CDK6: variants seen among roughly 807,000 people sequenced by gnomAD.
CDK6 encodes the protein cyclin-dependent kinase 6.
Under a neutral mutation model 37.1 loss-of-function variants are expected in CDK6, and 6 were observed. The observed-to-expected ratio is 0.16, with a 90% CI of 0.09 to 0.32. The LOEUF is 0.32. Among genes scored for constraint, CDK6 ranks in the 10% least tolerant of loss-of-function variants. CDK6 has a pLI of 1.00. For synonymous variants in CDK6, 160 were observed against 161.3 expected (o/e 0.99, Z 0.06); for missense variants, 224 against 418.9 (o/e 0.53, Z 4.06).
In CDK6 at chr7:92,834,856, C is replaced by T. The variant is rs1470813996; in HGVS notation, c.-367-1166G>A. Among the ~76,000 whole-genome samples, 1 of 152,114 alleles carries T rather than the reference C, an allele frequency of 6.6e-6. No individual in the cohort carries two copies. Among genetic ancestry groups the T allele is most frequent in the Non-Finnish European group, 1.5e-5 (1 of 68,006 alleles). Reference sequence around the variant, plus strand: ...CGGTCCAGTCTGCAGCCGGACGCCCCCGGAGCCCTCTGCACAACAAAGCGC... The same window carrying T: ...CGGTCCAGTCTGCAGCCGGACGCCCTCGGAGCCCTCTGCACAACAAAGCGC... On this transcript the variant is annotated intron_variant, in intron 1 of 7. Coordinates refer to ENST00000424848, the MANE Select transcript of CDK6 (RefSeq NM_001145306.2). This position sits in a 1 kb window ranked among gnomAD's most constrained non-coding sequence, Gnocchi z 4.6.
At chr7:92,725,582 T>C (rs1193369711) in intron 4 of CDK6, 44 bp downstream of exon 4, 3 of 1,565,342 alleles carry the variant, frequency 1.9e-6, no homozygotes, top group Admixed American at 1.8e-5. Context: ...TCATTCAAAA[T>C]AGGAAAAATA....
chr7:92,753,664 A>G (rs1799243023), intron 3 of CDK6, among the ~76,000 whole-genome samples: 1 of 152,012 alleles, frequency 6.6e-6, no homozygotes, highest in Admixed American at 6.6e-5. Flanking sequence ...AGCTAGTAAG[A>G]AGACTACCTT....
chr7:92,633,085 T>G (rs1445692859), intron 5 of CDK6, among the ~76,000 whole-genome samples: 1 of 152,068 alleles, frequency 6.6e-6, no homozygotes, highest in African/African-American at 2.4e-5. Context: ...ACTCAAATCT[T>G]GGTGAAGAAA....
chr7:92,626,558 A>T (rs1414639586), intron 5 of CDK6, among the ~76,000 whole-genome samples: 1 of 152,144 alleles, frequency 6.6e-6, no homozygotes, highest in Admixed American at 6.6e-5. Context: ...ATATAGAAAA[A>T]GTGTTTTAGA....
rs1334087040 is a variant in CDK6 at position 92,614,600 on chromosome 7, T to G, written c.*540A>C. 4.3e-6 allele frequency: 1 copy of G among 233,766 alleles called. No individual in the cohort carries two copies. The highest frequency in any genetic ancestry group is 5.6e-5 in the Admixed American group (1 of 17,804). 14.5% of individuals were successfully genotyped at this position (233,766 alleles called of 1,614,324 possible). A position where few individuals can be genotyped will look rare whatever the true frequency, so the allele number is the denominator to read the frequency against. ...TGGTGAATCACCTTCAGTGAACAAATGCCTGTTATTTACTGACCACCTTGA... is the reference window on the plus strand; with the variant it reads ...TGGTGAATCACCTTCAGTGAACAAAGGCCTGTTATTTACTGACCACCTTGA... On this transcript the variant is annotated 3_prime_UTR_variant, in exon 8 of 8. Coordinates refer to ENST00000424848, the MANE Select transcript of CDK6 (RefSeq NM_001145306.2).
At chr7:92,671,829 G>GT (rs943121015) in intron 4 of CDK6, among the ~76,000 whole-genome samples, 2 of 150,752 alleles carry the variant, frequency 1.3e-5, no homozygotes, top group East Asian at 1.9e-4. Context: ...CTTAGAAACC[G>GT]TTTTTTTTCT....
intron 3 of CDK6, among the ~76,000 whole-genome samples, chr7:92,772,128 T>C (rs1334927047): frequency 6.6e-6 from 1 of 152,164 alleles, no homozygotes; most frequent in East Asian, 1.9e-4. Context: ...CCTTAAAGCA[T>C]CACAAACACT....
chr7:92,644,406 G>T (rs565716981), intron 5 of CDK6, among the ~76,000 whole-genome samples: 1 of 152,176 alleles, frequency 6.6e-6, no homozygotes, highest in Admixed American at 6.5e-5. Context: ...CATGTTCAAA[G>T]ACTGAAATAA....
Position 92,836,460 on chromosome 7 carries a change from G to T in CDK6, c.-368+18C>A, listed in dbSNP as rs936277342. On this transcript the variant is annotated intron_variant, in intron 1 of 7. Transcript: ENST00000424848. ...CCCCCACCCCGCAGCCCACCCACCC[G>T]AGCGCACAGCTCCTCACCTGAGGGG... 7.1e-5 allele frequency: 10 copies of T among 140,014 alleles called. No homozygotes were observed. Among genetic ancestry groups the T allele is most frequent in the Admixed American group, 5.7e-4 (8 of 14,116 alleles). The allele number at this position is 140,014 out of a possible 1,614,324, so 8.7% of individuals were successfully genotyped here.
At chr7:92,615,977 C>A (rs1215931731) in intron 7 of CDK6, among the ~76,000 whole-genome samples, 4 of 152,172 alleles carry the variant, frequency 2.6e-5, no homozygotes, top group Non-Finnish European at 4.4e-5. Flanking sequence ...CTCATTTCCA[C>A]CCCTACCTCA....
At chr7:92,750,245 T>C (rs755656043) in intron 3 of CDK6, among the ~76,000 whole-genome samples, 15 of 152,210 alleles carry the variant, frequency 9.9e-5, no homozygotes, top group Non-Finnish European at 2.1e-4. Flanking sequence ...ACTAACTGCA[T>C]GACTTTGGGC....
At chr7:92,641,835 C>T (rs972196249) in intron 5 of CDK6, among the ~76,000 whole-genome samples, 1 of 152,150 alleles carries the variant, frequency 6.6e-6, no homozygotes, top group Non-Finnish European at 1.5e-5. Context: ...TAAGTCATTG[C>T]TCTTTACTTG....
intron 5 of CDK6, among the ~76,000 whole-genome samples, chr7:92,636,293 C>T (rs1021723911): frequency 6.6e-6 from 1 of 152,118 alleles, no homozygotes; most frequent in Non-Finnish European, 1.5e-5. Context: ...CTCCTGAGCT[C>T]AAGCGATCTG....
At chr7:92,722,556 C>G (rs1798392914) in intron 4 of CDK6, among the ~76,000 whole-genome samples, 1 of 152,170 alleles carries the variant, frequency 6.6e-6, no homozygotes, top group Non-Finnish European at 1.5e-5. Flanking sequence ...GCCAATAAAT[C>G]AATCAGGACT....
chr7:92,738,452 C>A (rs951654134), intron 3 of CDK6, among the ~76,000 whole-genome samples: 1 of 152,018 alleles, frequency 6.6e-6, no homozygotes, highest in African/African-American at 2.4e-5. Context: ...CTAGCCTGAC[C>A]AACATGGTAA....
intron 5 of CDK6, among the ~76,000 whole-genome samples, chr7:92,643,002 C>A (rs1418787216): frequency 6.6e-6 from 1 of 151,908 alleles, no homozygotes; most frequent in African/African-American, 2.4e-5. Context: ...TCAGGTGATC[C>A]TCCCACTTCA....
chr7:92,712,834 C>CCATGTATG (rs772883527), intron 4 of CDK6, among the ~76,000 whole-genome samples: 1 of 146,310 alleles, frequency 6.8e-6, no homozygotes, highest in African/African-American at 2.6e-5. Context: ...GACATTAATC[C>CCATGTATG]TATGTATGTA....
intron 4 of CDK6, among the ~76,000 whole-genome samples, chr7:92,706,505 T>C (rs890453743): frequency 1.3e-5 from 2 of 152,234 alleles, no homozygotes; most frequent in Non-Finnish European, 2.9e-5. Context: ...AGAGATTAAA[T>C]ACACAAAATG....
At chr7:92,719,919 T>C (rs148130344) in intron 4 of CDK6, among the ~76,000 whole-genome samples, 301 of 152,272 alleles carry the variant, frequency 2.0e-3, no homozygotes, top group African/African-American at 6.8e-3. Context: ...AGTATTCCCA[T>C]GTACACTGAG....
Sources: allele counts gnomAD v4.1 joint callset (sites outside exome capture counted in the v4.1 genomes callset), GRCh38; gene constraint gnomAD v4.1.1; non-coding constraint Gnocchi (gnomAD v3.1); transcripts MANE v1.5; gene names NCBI Gene and HGNC (gene_info 2026-07-23, HGNC 2026-07-21).